NDUFAF6: variants seen among roughly 807,000 people sequenced by gnomAD.
NDUFAF6 encodes NADH dehydrogenase (ubiquinone) complex I, assembly factor 6.
NDUFAF6 carries 45 observed loss-of-function variants against 40.8 expected under a neutral mutation model. That is an observed-to-expected ratio of 1.10 (90% CI 0.87 to 1.42). The LOEUF is 1.42. Among genes scored for constraint, NDUFAF6 ranks in the 40% most tolerant of loss-of-function variants. NDUFAF6 has a pLI of 0.00. For missense variants in NDUFAF6, 435 were observed against 418.5 expected, an observed-to-expected ratio of 1.04 and a Z score of -0.34; for synonymous variants, 185 against 155.9, an observed-to-expected ratio of 1.19 and a Z score of -1.39.
intron 1 of NDUFAF6, among the ~76,000 whole-genome samples, chr8:94,924,455 A>G (rs1041183554): frequency 6.6e-6 from 1 of 152,156 alleles, no homozygotes; most frequent in Non-Finnish European, 1.5e-5. Flanking sequence ...AGGTTTTTCA[A>G]TTTTGCATTT....
intron 2 of NDUFAF6, chr8:95,034,141 A>G (rs1026337387): frequency 8.8e-6 from 4 of 455,150 alleles, no homozygotes; most frequent in Non-Finnish European, 1.8e-5. Context: ...AGTACAAACA[A>G]TACTCATGAC....
chr8:94,919,505 A>G (rs899543880), intron 1 of NDUFAF6, among the ~76,000 whole-genome samples: 6 of 152,160 alleles, frequency 3.9e-5, no homozygotes, highest in Admixed American at 1.3e-4. Flanking sequence ...ACAGTTTAGA[A>G]TGTCATTCAT....
downstream of NDUFAF6, among the ~76,000 whole-genome samples, chr8:95,080,624 T>TGTAGTGATTTTTG (rs1260160886): frequency 4.0e-5 from 6 of 150,064 alleles, no homozygotes; most frequent in East Asian, 2.0e-4. Context: ...AGTGTATTTT[T>TGTAGTGATTTTTG]GTAGTGTATT....
Position 95,082,954 on chromosome 8 carries a change from G to GT in NDUFAF6, n.213+7209dup, listed in dbSNP as rs556948257. Among the ~76,000 whole-genome samples, 11 of 149,268 alleles carry GT rather than the reference G, an allele frequency of 7.4e-5. No homozygotes were observed. In the South Asian group the frequency reaches 1.1e-3, roughly 15 times the overall value. On this transcript the variant is annotated intron_variant and non_coding_transcript_variant, in intron 2 of 5. Transcript: ENST00000523184. ...GATTACAGACGTGAGTTGTTTGTTTGTTTTTTTGTAGAGACAGAGTCTGTA... is the reference window on the plus strand; with the variant it reads ...GATTACAGACGTGAGTTGTTTGTTTGTTTTTTTTGTAGAGACAGAGTCTGTA...
intron 8 of NDUFAF6, 62 bp from the exon 9 acceptor site, chr8:95,057,744 AGTT>A: frequency 9.8e-7 from 1 of 1,025,310 alleles, no homozygotes; most frequent in Non-Finnish European, 1.5e-6. Context: ...TTCTTTAGTT[AGTT>A]TTTTTTTTTT....
chr8:94,942,198 G>A (rs1334229792), intron 1 of NDUFAF6, among the ~76,000 whole-genome samples: 3 of 151,814 alleles, frequency 2.0e-5, no homozygotes, highest in African/African-American at 7.3e-5. Context: ...CACCACATCC[G>A]GCTAATTTCT....
At chr8:95,044,073 A>G (rs1432434334) in intron 4 of NDUFAF6, among the ~76,000 whole-genome samples, 1 of 152,266 alleles carries the variant, frequency 6.6e-6, no homozygotes, top group Non-Finnish European at 1.5e-5. Flanking sequence ...TAAAAAGAAT[A>G]AAGTACCAAT....
chr8:95,026,232 C>T (rs1293510390), intron 1 of NDUFAF6, among the ~76,000 whole-genome samples: 1 of 152,146 alleles, frequency 6.6e-6, no homozygotes, highest in Non-Finnish European at 1.5e-5. Flanking sequence ...CTTTAGGAGG[C>T]TGAGACCGGT....
At chr8:94,953,520 G>A (rs977538265), upstream of NDUFAF6, among the ~76,000 whole-genome samples, 15 of 152,324 alleles carry the variant, frequency 9.8e-5, no homozygotes, top group Admixed American at 7.8e-4. Flanking sequence ...TTCTTGGGGC[G>A]GTTGTCAGAG....
chr8:94,986,616 A>G (rs1825917970), intron 2 of NDUFAF6, among the ~76,000 whole-genome samples: 1 of 152,004 alleles, frequency 6.6e-6, no homozygotes, highest in Non-Finnish European at 1.5e-5. Context: ...TAAGTCTAAT[A>G]AAAAAATGCA....
At chr8:94,916,401 A>C (rs1819125350) in intron 1 of NDUFAF6, among the ~76,000 whole-genome samples, 1 of 152,198 alleles carries the variant, frequency 6.6e-6, no homozygotes, top group Non-Finnish European at 1.5e-5. Flanking sequence ...TGTGGCTTTA[A>C]CACCTCATAA....
chr8:94,910,654 T>C (rs1466241037), intron 1 of NDUFAF6, among the ~76,000 whole-genome samples: 1 of 152,232 alleles, frequency 6.6e-6, no homozygotes, highest in Non-Finnish European at 1.5e-5. Flanking sequence ...TGGCCTTGCA[T>C]ATCTCTATGA....
exon 2 of NDUFAF6, chr8:94,945,512 A>G (rs1292532171): frequency 6.6e-6 from 1 of 152,122 alleles, no homozygotes; most frequent in East Asian, 1.9e-4. Flanking sequence ...TTAAAGGCCT[A>G]CCCTCCTACT....
chr8:95,061,989 C>T (rs144004243), downstream of NDUFAF6, among the ~76,000 whole-genome samples: 514 of 151,944 alleles, frequency 3.4e-3, 3 homozygotes, highest in African/African-American at 0.011. Context: ...AAGACCCCAT[C>T]TCTACAAAAA....
upstream of NDUFAF6, among the ~76,000 whole-genome samples, chr8:95,021,639 G>A (rs570039191): frequency 1.7e-4 from 26 of 152,172 alleles, no homozygotes; most frequent in Non-Finnish European, 3.1e-4. Flanking sequence ...TGTCCTTTTG[G>A]CAGGAAGTCA....
At chr8:95,081,784 G>A (rs926249206) in intron 2 of NDUFAF6, among the ~76,000 whole-genome samples, 79 of 152,280 alleles carry the variant, frequency 5.2e-4, no homozygotes, top group African/African-American at 1.7e-3. Context: ...CTGTTGGGCC[G>A]GGCGTGGTGG....
At chr8:94,923,068 G>A (rs750766929) in intron 1 of NDUFAF6, among the ~76,000 whole-genome samples, 3 of 152,130 alleles carry the variant, frequency 2.0e-5, no homozygotes, top group South Asian at 2.1e-4. Context: ...CAGGCATGTC[G>A]GAAAGAGAAA....
chr8:94,930,447 C>T (rs1177354759), intron 1 of NDUFAF6: 3 of 1,612,050 alleles, frequency 1.9e-6, no homozygotes, highest in Non-Finnish European at 2.5e-6. Context: ...AAGCACAAAC[C>T]AAGAGAAACC....
At chr8:95,008,654 G>A (rs1461845014) in intron 2 of NDUFAF6, among the ~76,000 whole-genome samples, 2 of 151,986 alleles carry the variant, frequency 1.3e-5, no homozygotes, top group African/African-American at 2.4e-5. Context: ...TTACAGGCAC[G>A]TGCCACTACG....
Sources: allele counts gnomAD v4.1 joint callset (sites outside exome capture counted in the v4.1 genomes callset), GRCh38; gene constraint gnomAD v4.1.1; transcripts MANE v1.5; gene names NCBI Gene and HGNC (gene_info 2026-07-23, HGNC 2026-07-21).